The following CSMD1 variants were observed in gnomAD, a reference collection of about 807,000 sequenced individuals.
CSMD1 encodes the protein CUB and sushi domain-containing protein 1.
A neutral mutation model predicts 417.5 loss-of-function variants in CSMD1; 213 were observed. That is an observed-to-expected ratio of 0.51 (90% CI 0.46 to 0.57). CSMD1 has a LOEUF of 0.57. Among genes scored for constraint, CSMD1 ranks in the 20% least tolerant of loss-of-function variants. CSMD1 has a pLI of 0.00. For synonymous variants in CSMD1, 2,862 were observed against 1,736.8 expected, an observed-to-expected ratio of 1.65 and a Z score of -16.11; for missense variants, 6,923 against 4,529.7, an observed-to-expected ratio of 1.53 and a Z score of -15.17.
At chr8:3,217,964 C>A (rs1286860419) in intron 29 of CSMD1, among the ~76,000 whole-genome samples, 1 of 152,120 alleles carries the variant, frequency 6.6e-6, no homozygotes, top group Non-Finnish European at 1.5e-5. Context: ...AAGTCCTCTT[C>A]CCTAATTCTT....
chr8:4,898,950 G>C (rs1295242731), intron 1 of CSMD1, among the ~76,000 whole-genome samples: 1 of 151,726 alleles, frequency 6.6e-6, no homozygotes, highest in African/African-American at 2.4e-5. Flanking sequence ...TGAGATTACA[G>C]TTATAAAATT....
chr8:3,160,663 G>C (rs1481600866), intron 38 of CSMD1, among the ~76,000 whole-genome samples: 1 of 152,138 alleles, frequency 6.6e-6, no homozygotes, highest in Non-Finnish European at 1.5e-5. Flanking sequence ...TTGTTCTTAC[G>C]AAGGTGGCTT....
intron 9 of CSMD1, among the ~76,000 whole-genome samples, chr8:3,585,276 A>C (rs1279801032): frequency 6.6e-6 from 1 of 152,214 alleles, no homozygotes; most frequent in African/African-American, 2.4e-5. Flanking sequence ...AATAACTAAA[A>C]TGCTTAAAAG....
chr8:3,308,479 T>C lies in CSMD1; in HGVS notation c.3656A>G (p.Asp1219Gly). The C allele has an allele frequency of 6.2e-7, 1 of 1,612,958 alleles. No individual in the cohort carries two copies. Among genetic ancestry groups the C allele is most frequent in the Non-Finnish European group, 8.5e-7 (1 of 1,179,322 alleles). ...YTSFDLVKCE[D>G]PGIPNYGYRI... ...ATAGCCGTAGTTAGGGATGCCCGGA[T>C]CCTCACATTTTACCAGATCAAAACC... The change falls in exon 24 of 70, where the codon GAT becomes GGT. Residue 1219 changes from aspartate to glycine, a missense_variant. Physicochemically the swap from Asp to Gly is moderately conservative, Grantham distance 94 (BLOSUM62 -1). Transcript: ENST00000635120.
intron 2 of CSMD1, among the ~76,000 whole-genome samples, chr8:4,438,638 T>C (rs1048183662): frequency 1.3e-5 from 2 of 152,158 alleles, no homozygotes; most frequent in Admixed American, 1.3e-4. Flanking sequence ...CATTATCCCA[T>C]GGAGTAGTAT....
At chr8:3,159,354 A>C (rs896181820) in intron 38 of CSMD1, among the ~76,000 whole-genome samples, 2 of 152,208 alleles carry the variant, frequency 1.3e-5, no homozygotes, top group Non-Finnish European at 2.9e-5. Context: ...TTTTACACCA[A>C]TGGGAATTTT....
At chr8:4,528,837 CT>C (rs1032420119) in intron 2 of CSMD1, among the ~76,000 whole-genome samples, 1 of 151,962 alleles carries the variant, frequency 6.6e-6, no homozygotes, top group African/African-American at 2.4e-5. Context: ...AAACTTCTGT[CT>C]TTTAAGAAGT....
intron 2 of CSMD1, among the ~76,000 whole-genome samples, chr8:4,505,487 A>G (rs893042389): frequency 6.6e-6 from 1 of 152,224 alleles, no homozygotes; most frequent in Non-Finnish European, 1.5e-5. Flanking sequence ...ATATGCTATT[A>G]TAAACTGCTT....
At chr8:4,716,533 C>T (rs763949650) in intron 1 of CSMD1, among the ~76,000 whole-genome samples, 1 of 152,164 alleles carries the variant, frequency 6.6e-6, no homozygotes, top group South Asian at 2.1e-4. Flanking sequence ...CACTTACCTA[C>T]TTTTAATTGA....
chr8:3,918,237 G>A (rs1412393740), intron 5 of CSMD1, among the ~76,000 whole-genome samples: 1 of 151,972 alleles, frequency 6.6e-6, no homozygotes, highest in Admixed American at 6.6e-5. Context: ...TGGGTCATAT[G>A]GTAGGTTTTG....
intron 5 of CSMD1, among the ~76,000 whole-genome samples, chr8:3,851,610 T>G (rs191158413): frequency 6.6e-6 from 1 of 152,184 alleles, no homozygotes; most frequent in East Asian, 1.9e-4. Context: ...CTACTTTCAC[T>G]GGAGAAAAAA....
At chr8:4,979,180 C>T (rs555775014) in intron 1 of CSMD1, among the ~76,000 whole-genome samples, 13 of 152,232 alleles carry the variant, frequency 8.5e-5, no homozygotes, top group African/African-American at 2.9e-4. Flanking sequence ...AAATGATGAA[C>T]TAGGAGGACA....
chr8:3,542,118 T>G (rs1477935361), intron 10 of CSMD1, among the ~76,000 whole-genome samples: 1 of 152,232 alleles, frequency 6.6e-6, no homozygotes, highest in Non-Finnish European at 1.5e-5. Context: ...CAACAGAGAC[T>G]CTTTTATTTC....
At chr8:3,263,508 G>T (rs757536730) in intron 26 of CSMD1, among the ~76,000 whole-genome samples, 2 of 152,108 alleles carry the variant, frequency 1.3e-5, no homozygotes, top group Non-Finnish European at 2.9e-5. Flanking sequence ...TCAGTTATTG[G>T]AAAGAGAATA....
At chr8:3,323,711 C>T (rs1806302909) in intron 23 of CSMD1, among the ~76,000 whole-genome samples, 1 of 151,902 alleles carries the variant, frequency 6.6e-6, no homozygotes, top group Admixed American at 6.6e-5. Context: ...GCCAAGAGGC[C>T]CACATCCAAC....
At chr8:3,939,002 A>G (rs1177081903) in intron 5 of CSMD1, among the ~76,000 whole-genome samples, 2 of 152,132 alleles carry the variant, frequency 1.3e-5, no homozygotes, top group Non-Finnish European at 2.9e-5. Context: ...GGTGGGGTAG[A>G]ATATTACATG....
intron 3 of CSMD1, among the ~76,000 whole-genome samples, chr8:4,296,778 T>C (rs976183681): frequency 1.3e-5 from 2 of 150,790 alleles, no homozygotes; most frequent in African/African-American, 4.9e-5. Context: ...ATAATAGCTT[T>C]ATGCTGGTGA....
chr8:4,881,401 C>A (rs948876203), intron 1 of CSMD1, among the ~76,000 whole-genome samples: 3 of 151,114 alleles, frequency 2.0e-5, no homozygotes, highest in Non-Finnish European at 4.4e-5. Context: ...AACAAATATA[C>A]CTAGTATACA....
At chr8:3,210,623 AAT>A (rs1272559210) in intron 30 of CSMD1, among the ~76,000 whole-genome samples, 1 of 148,454 alleles carries the variant, frequency 6.7e-6, no homozygotes. Context: ...TATAGACAGG[AAT>A]ATATATATAA....
Sources: gnomAD v4.1 joint callset for allele counts (sites outside exome capture counted in the v4.1 genomes callset) on GRCh38, gnomAD v4.1.1 for gene constraint, MANE v1.5 for transcripts, NCBI Gene and HGNC (gene_info 2026-07-23, HGNC 2026-07-21) for gene names.